CAPN5: variants seen among roughly 807,000 people sequenced by gnomAD.
CAPN5 encodes the protein calpain-5.
Under a neutral mutation model 73.0 loss-of-function variants are expected in CAPN5, and 54 were observed. The observed-to-expected ratio is 0.74, with a 90% CI of 0.59 to 0.93. CAPN5 has a LOEUF of 0.93. Among genes scored for constraint, CAPN5 ranks in the 40% least tolerant of loss-of-function variants. The pLI is 0.00. For synonymous variants in CAPN5, 335 were observed against 356.9 expected, an observed-to-expected ratio of 0.94 and a Z score of 0.69; for missense variants, 785 against 882.9, an observed-to-expected ratio of 0.89 and a Z score of 1.41.
At position 77,118,322 on chromosome 11, in the gene CAPN5, C is replaced by A; in HGVS notation, c.1137C>A (p.Asn379Lys). The A allele has an allele frequency of 1.9e-6, 3 of 1,603,368 alleles. No homozygotes were observed. Among genetic ancestry groups the A allele is most frequent in the Non-Finnish European group, 2.6e-6 (3 of 1,174,566 alleles). The change falls in exon 8 of 13, where the codon AAC becomes AAA. Residue 379 changes from asparagine (N) to lysine (K), a missense_variant. Asn to Lys is a moderately conservative substitution (Grantham distance 94, BLOSUM62 0). Coordinates refer to ENST00000648180, the MANE Select transcript of CAPN5 (RefSeq NM_004055.5). Reference sequence around the variant, plus strand: ...AGAACCGCGGTGGCGGCTGCATCAACCACAAGGACACCTTCTTCCAGAACC... The same window carrying A: ...AGAACCGCGGTGGCGGCTGCATCAAACACAAGGACACCTTCTTCCAGAACC... ...PRQNRGGGCI[N>K]HKDTFFQNPQ...
At chr11:77,094,303 G>A (rs1950186005) in intron 3 of CAPN5, among the ~76,000 whole-genome samples, 1 of 152,148 alleles carries the variant, frequency 6.6e-6, no homozygotes, top group South Asian at 2.1e-4. Flanking sequence ...TGGTGTTCTG[G>A]ACCAGGGCCA....
Position 77,118,373 on chromosome 11 carries a change from C to A in CAPN5, c.1167+21C>A, listed in dbSNP as rs782208223. 5.2e-6 allele frequency: 8 copies of A among 1,545,162 alleles called. No homozygotes were observed. In the South Asian group the frequency reaches 7.2e-5, roughly 14 times the overall value. ...CACAGGTGGGCGTTCTCAGGAACCC[C>A]CACCCTGCCCTGTAGCAGCTGCGGG... is the stretch of plus-strand genomic sequence containing the variant. On this transcript the variant is annotated intron_variant, in intron 8 of 12. Coordinates refer to ENST00000648180, the MANE Select transcript of CAPN5 (RefSeq NM_004055.5).
At chr11:77,071,694 G>A in intron 1 of CAPN5, 1 of 441,174 alleles carries the variant, frequency 2.3e-6, no homozygotes. Context: ...TATGTGGACA[G>A]GATGTTGCCC....
In CAPN5 at chr11:77,116,222, C is replaced by T; in HGVS notation, c.894-4C>T. On this transcript the variant is annotated splice_region_variant and splice_polypyrimidine_tract_variant and intron_variant, in intron 6 of 12. Coordinates refer to ENST00000648180, the MANE Select transcript of CAPN5 (RefSeq NM_004055.5). The stretch of plus-strand genomic sequence containing the variant: ...CTTTCTCCTCCCCGGCCCTGACACC[C>T]CAGCTCGGAGGAGTGGCAGAAAGTG... 1 of 1,610,500 alleles carries T rather than the reference C, an allele frequency of 6.2e-7. No homozygotes were observed. The highest frequency in any genetic ancestry group is 8.5e-7 in the Non-Finnish European group (1 of 1,178,482).
intron 3 of CAPN5, among the ~76,000 whole-genome samples, chr11:77,110,899 G>A (rs537822129): frequency 6.6e-6 from 1 of 152,166 alleles, no homozygotes; most frequent in Non-Finnish European, 1.5e-5. Context: ...TGTGCCTCTG[G>A]TTCCTCCGCC....
chr11:77,091,008 G>C (rs573196797), intron 2 of CAPN5, among the ~76,000 whole-genome samples: 27 of 152,222 alleles, frequency 1.8e-4, no homozygotes, highest in Non-Finnish European at 3.8e-4. Flanking sequence ...CGCCGTGCAG[G>C]TTGGCCGTGG....
chr11:77,100,707 G>A (rs781810983), intron 3 of CAPN5, among the ~76,000 whole-genome samples: 2 of 152,164 alleles, frequency 1.3e-5, no homozygotes, highest in Non-Finnish European at 2.9e-5. Context: ...CCAGCCAGCT[G>A]CCCTGGCCAG....
At chr11:77,083,328 C>T (rs1950046801) in intron 1 of CAPN5, among the ~76,000 whole-genome samples, 1 of 151,642 alleles carries the variant, frequency 6.6e-6, no homozygotes, top group South Asian at 2.1e-4. Flanking sequence ...CGCCTCTTTC[C>T]TTTCCTGTCT....
chr11:77,120,722 A>C lies in CAPN5; in HGVS notation c.1300A>C (p.Asn434His). ...CTCCCGCCTCCTGCAGGTGGAGGAG[A>C]ACCGCCAGTACCGCATGCACAGCCT... Reference protein sequence around the residue: ...IGFDIYKVEENRQYRMHSLQH... With the variant: ...IGFDIYKVEEHRQYRMHSLQH... Residue 434 changes from asparagine to histidine, a missense_variant, in exon 10 of 13, where the codon AAC becomes CAC. Asn to His is a moderately conservative substitution (Grantham distance 68, BLOSUM62 1). Transcript: ENST00000648180. 1 of 1,604,510 alleles carries C rather than the reference A, an allele frequency of 6.2e-7. No individual in the cohort carries two copies. The highest frequency in any genetic ancestry group is 8.5e-7 in the Non-Finnish European group (1 of 1,174,146).
intron 3 of CAPN5, among the ~76,000 whole-genome samples, chr11:77,108,623 A>G (rs1591139101): frequency 6.6e-6 from 1 of 151,780 alleles, no homozygotes; most frequent in South Asian, 2.1e-4. Context: ...TCACTTTGAC[A>G]CTTGCCAGCC....
chr11:77,073,072 C>T, intron 1 of CAPN5: 1 of 1,289,708 alleles, frequency 7.8e-7, no homozygotes, highest in Non-Finnish European at 1.0e-6. Context: ...ACAGGGACGC[C>T]CAGCTGTATC....
At chr11:77,093,009 G>A (rs1248628872) in intron 2 of CAPN5, among the ~76,000 whole-genome samples, 3 of 152,198 alleles carry the variant, frequency 2.0e-5, no homozygotes, top group African/African-American at 7.2e-5. Flanking sequence ...AAAAAAAGGA[G>A]TTTTTGCTCC....
intron 2 of CAPN5, 137 bp downstream of exon 2, chr11:77,085,188 G>C: frequency 1.4e-6 from 1 of 735,796 alleles, no homozygotes; most frequent in Non-Finnish European, 2.3e-6. Flanking sequence ...TGCTGAAACG[G>C]TGGGATTTGA....
chr11:77,079,753 A>G (rs1321731575), intron 1 of CAPN5, among the ~76,000 whole-genome samples: 1 of 151,146 alleles, frequency 6.6e-6, no homozygotes, highest in Non-Finnish European at 1.5e-5. Flanking sequence ...TTGTCCTCCT[A>G]CCACTAATGC....
chr11:77,089,477 C>T (rs1400374158), intron 2 of CAPN5, among the ~76,000 whole-genome samples: 1 of 152,216 alleles, frequency 6.6e-6, no homozygotes, highest in Non-Finnish European at 1.5e-5. Context: ...CAGCCAGTGG[C>T]CCAGGAAAAG....
At chr11:77,073,217 G>A in intron 1 of CAPN5, 1 of 807,034 alleles carries the variant, frequency 1.2e-6, no homozygotes, top group Non-Finnish European at 1.8e-6. Flanking sequence ...ACTGTGGTGA[G>A]CTGCTCACCC....
Position 77,123,917 on chromosome 11 carries a change from T to C in CAPN5, c.*47T>C. ...CTGACCGTTCCCACCACCATCTGCATGTCCCCACTGGGCCTGAGTCTAGCC... is the reference window on the plus strand; with the variant it reads ...CTGACCGTTCCCACCACCATCTGCACGTCCCCACTGGGCCTGAGTCTAGCC... On this transcript the variant is annotated 3_prime_UTR_variant, in exon 13 of 13. Transcript: ENST00000648180. 2 of 1,567,352 alleles carry C rather than the reference T, an allele frequency of 1.3e-6. No individual in the cohort carries two copies. Among genetic ancestry groups the C allele is most frequent in the Non-Finnish European group, 1.7e-6 (2 of 1,146,322 alleles).
chr11:77,088,573 C>CTTT (rs1950116349), intron 2 of CAPN5, among the ~76,000 whole-genome samples: 1 of 152,114 alleles, frequency 6.6e-6, no homozygotes, highest in Non-Finnish European at 1.5e-5. Context: ...CTACAACTCC[C>CTTT]TTTCCAGTCC....
chr11:77,082,944 C>T (rs1950042769), intron 1 of CAPN5, among the ~76,000 whole-genome samples: 1 of 152,190 alleles, frequency 6.6e-6, no homozygotes, highest in Non-Finnish European at 1.5e-5. Flanking sequence ...TAAATTGCTT[C>T]CTGAACTGAC....
Sources: allele counts gnomAD v4.1 joint callset (sites outside exome capture counted in the v4.1 genomes callset), GRCh38; gene constraint gnomAD v4.1.1; transcripts MANE v1.5; gene names NCBI Gene and HGNC (gene_info 2026-07-23, HGNC 2026-07-21).